ARL8B: variants seen among roughly 807,000 people sequenced by gnomAD.
The protein encoded by ARL8B is ARF like GTPase 8B.
In ARL8B, 9 loss-of-function variants were observed where a neutral mutation model predicts 30.6. The ratio of observed to expected loss-of-function variants is 0.29; its 90% CI spans 0.18 to 0.51. ARL8B has a LOEUF of 0.51. Ranked by LOEUF, ARL8B falls within the 20% of genes least tolerant of loss-of-function variation. The pLI is 0.97. For missense variants in ARL8B, 130 were observed against 227.2 expected (o/e 0.57, Z 2.75); for synonymous variants, 74 against 76.0 (o/e 0.97, Z 0.14).
At chr3:5,159,682 T>C (rs1168130108) in intron 1 of ARL8B, among the ~76,000 whole-genome samples, 2 of 151,546 alleles carry the variant, frequency 1.3e-5, no homozygotes, top group African/African-American at 2.4e-5. Context: ...ACTAAGATCA[T>C]TTGGGTAGCT....
At chr3:5,147,240 G>T (rs2054427697) in intron 1 of ARL8B, among the ~76,000 whole-genome samples, 1 of 152,060 alleles carries the variant, frequency 6.6e-6, no homozygotes, top group African/African-American at 2.4e-5. Context: ...TCATTGTTCA[G>T]TTCCCACCTA....
intron 1 of ARL8B, among the ~76,000 whole-genome samples, chr3:5,152,644 C>G (rs2054494621): frequency 6.6e-6 from 1 of 152,222 alleles, no homozygotes; most frequent in South Asian, 2.1e-4. Context: ...TGCCGCCACA[C>G]CTAGCTAATT....
chr3:5,178,632 T>C, intron 6 of ARL8B, 32 bp from the exon 7 acceptor site: 1 of 1,586,544 alleles, frequency 6.3e-7, no homozygotes, highest in South Asian at 1.1e-5. Flanking sequence ...TTTTTTAACT[T>C]TAATGTCTTC....
chr3:5,133,967 GA>G (rs1367876020), intron 1 of ARL8B, among the ~76,000 whole-genome samples: 3 of 151,366 alleles, frequency 2.0e-5, no homozygotes, highest in African/African-American at 4.9e-5. Context: ...CACACCCCTG[GA>G]AAAAAAAGTG....
intron 1 of ARL8B, 45 bp from the exon 2 acceptor site, chr3:5,170,457 TC>T: frequency 7.6e-7 from 1 of 1,313,852 alleles, no homozygotes; most frequent in South Asian, 1.3e-5. Flanking sequence ...TTATGCAGTG[TC>T]ATTATAAGTG....
chr3:5,159,602 CAAAA>C (rs71053495), intron 1 of ARL8B, among the ~76,000 whole-genome samples: 138 of 77,066 alleles, frequency 1.8e-3, no homozygotes, highest in African/African-American at 5.5e-3. Context: ...AACTCCGTCT[CAAAA>C]AAAAAAAAAA....
intron 1 of ARL8B, among the ~76,000 whole-genome samples, chr3:5,129,566 G>A (rs1221282537): frequency 2.0e-5 from 3 of 152,222 alleles, no homozygotes; most frequent in East Asian, 1.9e-4. Context: ...TCTGAGACAA[G>A]TTCTTGCTCT....
chr3:5,122,683 A>T, intron 1 of ARL8B, 95 bp downstream of exon 1: 1 of 1,350,674 alleles, frequency 7.4e-7, no homozygotes, highest in South Asian at 1.5e-5. Flanking sequence ...CCTCGGCGCG[A>T]TGGGACTGAT....
At chr3:5,126,714 C>T (rs993968155) in intron 1 of ARL8B, among the ~76,000 whole-genome samples, 1 of 152,040 alleles carries the variant, frequency 6.6e-6, no homozygotes, top group African/African-American at 2.4e-5. Flanking sequence ...GTAGTGTTCT[C>T]TTTTGTTTTG....
intron 6 of ARL8B, among the ~76,000 whole-genome samples, chr3:5,174,916 C>T (rs1184264979): frequency 6.6e-6 from 1 of 151,702 alleles, no homozygotes; most frequent in Non-Finnish European, 1.5e-5. Flanking sequence ...GATTCTTGTG[C>T]CTCAGCCTCC....
At chr3:5,131,539 C>A (rs778579345) in intron 1 of ARL8B, among the ~76,000 whole-genome samples, 96 of 151,884 alleles carry the variant, frequency 6.3e-4, no homozygotes, top group Admixed American at 1.1e-3. Context: ...TACAGGCGCA[C>A]GCCACCATGG....
At chr3:5,162,213 T>C (rs1457870045) in intron 1 of ARL8B, among the ~76,000 whole-genome samples, 1 of 152,252 alleles carries the variant, frequency 6.6e-6, no homozygotes, top group African/African-American at 2.4e-5. Context: ...GTATGAGAGC[T>C]ATAGCCACTT....
intron 1 of ARL8B, among the ~76,000 whole-genome samples, chr3:5,143,079 T>G (rs1174219561): frequency 1.3e-5 from 2 of 152,204 alleles, no homozygotes; most frequent in Admixed American, 6.5e-5. Context: ...CAAAGATGTT[T>G]ATTCACTTGT....
chr3:5,168,354 A>G (rs777930942), intron 1 of ARL8B, among the ~76,000 whole-genome samples: 8 of 152,248 alleles, frequency 5.3e-5, no homozygotes, highest in Non-Finnish European at 1.2e-4. Flanking sequence ...TACAAGCTTG[A>G]GCCACTATGC....
intron 1 of ARL8B, among the ~76,000 whole-genome samples, chr3:5,133,360 A>G (rs921971014): frequency 3.9e-5 from 6 of 152,232 alleles, no homozygotes; most frequent in Admixed American, 1.3e-4. Flanking sequence ...ACCATCCGCA[A>G]GGAAATTGGT....
At chr3:5,162,122 G>T (rs1212574567) in intron 1 of ARL8B, among the ~76,000 whole-genome samples, 2 of 152,212 alleles carry the variant, frequency 1.3e-5, no homozygotes, top group Non-Finnish European at 2.9e-5. Flanking sequence ...CTCATCACTG[G>T]ACTGGATCAT....
At chr3:5,148,117 C>G (rs1010129931) in intron 1 of ARL8B, among the ~76,000 whole-genome samples, 17 of 151,938 alleles carry the variant, frequency 1.1e-4, no homozygotes, top group Non-Finnish European at 4.4e-5. Flanking sequence ...CTTTCTTCTC[C>G]TGTGAATAGG....
chr3:5,140,792 A>G (rs542442527), intron 1 of ARL8B, among the ~76,000 whole-genome samples: 162 of 152,326 alleles, frequency 1.1e-3, no homozygotes, highest in African/African-American at 3.8e-3. Flanking sequence ...GTTACTACCA[A>G]TAACATTCTG....
chr3:5,161,681 A>C (rs2054584140), intron 1 of ARL8B, among the ~76,000 whole-genome samples: 1 of 152,212 alleles, frequency 6.6e-6, no homozygotes. Flanking sequence ...AATATAATCA[A>C]AAGTGACATA....
Sources: allele counts gnomAD v4.1 joint callset (sites outside exome capture counted in the v4.1 genomes callset), GRCh38; gene constraint gnomAD v4.1.1; transcripts MANE v1.5; gene names NCBI Gene and HGNC (gene_info 2026-07-23, HGNC 2026-07-21).